Variants in FOXP1 observed in about 807,000 individuals in gnomAD.
The protein encoded by FOXP1 is forkhead box protein P1.
Under a neutral mutation model 98.2 loss-of-function variants are expected in FOXP1, and 15 were observed. The ratio of observed to expected loss-of-function variants is 0.15; its 90% CI spans 0.10 to 0.24. The LOEUF is 0.24. Ranked by LOEUF, FOXP1 falls within the 10% of genes least tolerant of loss-of-function variation. The probability of loss-of-function intolerance (pLI) is 1.00; values close to 1 mark genes in which losing one functional copy is unlikely to be tolerated. For synonymous variants in FOXP1, 371 were observed against 314.5 expected, an observed-to-expected ratio of 1.18 and a Z score of -1.90; for missense variants, 633 against 848.5, an observed-to-expected ratio of 0.75 and a Z score of 3.15.
At chr3:71,131,076 T>G in intron 6 of FOXP1, 1 of 299,104 alleles carries the variant, frequency 3.3e-6, no homozygotes, top group African/African-American at 2.3e-5. Context: ...AAGAAGAAAA[T>G]TCAGATTTTG....
chr3:71,155,912 G>A (rs755930550), intron 6 of FOXP1, among the ~76,000 whole-genome samples: 1 of 152,172 alleles, frequency 6.6e-6, no homozygotes, highest in Non-Finnish European at 1.5e-5. Context: ...GAAGCCAATG[G>A]GTGGTTTTTC....
intron 5 of FOXP1, among the ~76,000 whole-genome samples, chr3:71,274,912 G>T (rs2070741968): frequency 6.6e-6 from 1 of 152,132 alleles, no homozygotes; most frequent in Non-Finnish European, 1.5e-5. Context: ...GTAACACTTT[G>T]CTCTTTGCCA....
At chr3:71,442,888 T>G (rs554626575) in intron 3 of FOXP1, among the ~76,000 whole-genome samples, 44 of 82,690 alleles carry the variant, frequency 5.3e-4, no homozygotes, top group African/African-American at 1.6e-3. Flanking sequence ...CTTTTTTTAT[T>G]TTTTTTTTAT....
intron 3 of FOXP1, among the ~76,000 whole-genome samples, chr3:71,420,311 G>T (rs545877440): frequency 6.6e-6 from 1 of 152,240 alleles, no homozygotes; most frequent in East Asian, 1.9e-4. Context: ...GACAAGCAAT[G>T]GTCTAGCCAC....
chr3:71,180,738 C>T (rs2108278279), intron 6 of FOXP1, among the ~76,000 whole-genome samples: 1 of 152,164 alleles, frequency 6.6e-6, no homozygotes, highest in Admixed American at 6.5e-5. Flanking sequence ...GCTAAATGAC[C>T]CGTGGCAAAT....
chr3:71,170,647 T>C (rs2061605461), intron 6 of FOXP1, among the ~76,000 whole-genome samples: 1 of 152,230 alleles, frequency 6.6e-6, no homozygotes, highest in African/African-American at 2.4e-5. Flanking sequence ...GCTCGCGTAT[T>C]CTTAGCTGAA....
At chr3:70,966,406 A>G (rs2034788011) in intron 19 of FOXP1, 7 of 330,622 alleles carry the variant, frequency 2.1e-5, no homozygotes, top group South Asian at 1.9e-4. Context: ...ATCACAGTGA[A>G]ATATAATAGA....
At chr3:71,557,835 G>T (rs1036265785) in intron 2 of FOXP1, among the ~76,000 whole-genome samples, 1 of 152,114 alleles carries the variant, frequency 6.6e-6, no homozygotes, top group African/African-American at 2.4e-5. Flanking sequence ...TTTATTTTTT[G>T]AAACTGAGTC....
At chr3:71,069,771 C>A (rs1000588030) in intron 7 of FOXP1, among the ~76,000 whole-genome samples, 2 of 152,144 alleles carry the variant, frequency 1.3e-5, no homozygotes, top group Non-Finnish European at 2.9e-5. Flanking sequence ...AAAGAAAAGA[C>A]GGCTCTTGGG....
chr3:71,111,850 C>T (rs963908479), intron 7 of FOXP1, among the ~76,000 whole-genome samples: 1 of 152,164 alleles, frequency 6.6e-6, no homozygotes. Flanking sequence ...TAGAAACATT[C>T]TGAACATATC....
At chr3:71,159,204 C>T (rs2061011965) in intron 6 of FOXP1, among the ~76,000 whole-genome samples, 1 of 151,632 alleles carries the variant, frequency 6.6e-6, no homozygotes, top group African/African-American at 2.4e-5. Flanking sequence ...TATAAAGGAC[C>T]TGCTTCCTGA....
At chr3:71,174,828 C>CACACACA (rs1560064270) in intron 6 of FOXP1, among the ~76,000 whole-genome samples, 1 of 105,036 alleles carries the variant, frequency 9.5e-6, no homozygotes, top group Non-Finnish European at 2.2e-5. Context: ...ACACACACAC[C>CACACACA]CCAATATACC....
chr3:71,015,951 T>C (rs2107743356), intron 11 of FOXP1, among the ~76,000 whole-genome samples: 2 of 152,322 alleles, frequency 1.3e-5, no homozygotes, highest in South Asian at 4.1e-4. Flanking sequence ...AAGGAGTCTT[T>C]AAAAAGCTAG....
chr3:71,046,026 G>A (rs2048990544), intron 10 of FOXP1, among the ~76,000 whole-genome samples: 2 of 152,144 alleles, frequency 1.3e-5, no homozygotes, highest in Admixed American at 1.3e-4. Context: ...GAGGAATTGT[G>A]TTTCAAAACA....
At chr3:71,360,356 T>C (rs2107906154) in intron 3 of FOXP1, 1 of 152,286 alleles carries the variant, frequency 6.6e-6, no homozygotes, top group East Asian at 1.9e-4. Flanking sequence ...CTCTTTTTTT[T>C]TCAGTTGCAT....
chr3:71,253,411 T>C (rs980974100), intron 5 of FOXP1, among the ~76,000 whole-genome samples: 1 of 152,194 alleles, frequency 6.6e-6, no homozygotes, highest in Non-Finnish European at 1.5e-5. Flanking sequence ...TGTTTAACTT[T>C]AGTGAGTTGT....
At position 71,344,133 on chromosome 3, in the gene FOXP1, T is replaced by C. The variant is rs74662970; in HGVS notation, c.-73+15017A>G. Among the ~76,000 whole-genome samples, 617 of 152,292 alleles carry C rather than the reference T, an allele frequency of 4.1e-3. 4 individuals are homozygous for C. Among genetic ancestry groups the C allele is most frequent in the African/African-American group, 0.014 (589 of 41,550 alleles). ...ATCCGCCATCTCTCTGGTTGTGGCA[T>C]TGCATACGCATATCAGTACTAAGAA... On this transcript the variant is annotated intron_variant, in intron 4 of 20. Coordinates refer to ENST00000649528, the MANE Select transcript of FOXP1 (RefSeq NM_001349338.3).
chr3:70,966,104 C>G (rs2034709937), intron 19 of FOXP1, 48 bp from the exon 20 acceptor site: 2 of 1,488,544 alleles, frequency 1.3e-6, no homozygotes, highest in Non-Finnish European at 1.9e-6. Flanking sequence ...GTATGTAAGA[C>G]AAGGAAACTA....
intron 6 of FOXP1, among the ~76,000 whole-genome samples, chr3:71,151,365 T>C (rs1371023438): frequency 1.3e-5 from 2 of 152,224 alleles, no homozygotes; most frequent in African/African-American, 2.4e-5. Context: ...GAACACTGCC[T>C]AGTTCAATGT....
Sources: gnomAD v4.1 joint callset for allele counts (sites outside exome capture counted in the v4.1 genomes callset) on GRCh38, gnomAD v4.1.1 for gene constraint, MANE v1.5 for transcripts, NCBI Gene and HGNC (gene_info 2026-07-23, HGNC 2026-07-21) for gene names.